Variants in KDR observed in about 807,000 individuals in gnomAD.
KDR encodes kinase insert domain receptor, also known as vascular endothelial growth factor receptor 2.
A neutral mutation model predicts 160.9 loss-of-function variants in KDR; 43 were observed. That is an observed-to-expected ratio of 0.27 (90% CI 0.21 to 0.34). The LOEUF (loss-of-function observed/expected upper bound fraction) is 0.34, where lower values mean the gene tolerates loss of function less well. Among genes scored for constraint, KDR ranks in the 10% least tolerant of loss-of-function variants. The pLI, the probability that KDR is intolerant of heterozygous loss-of-function variation, is 1.00. For synonymous variants in KDR, 617 were observed against 600.1 expected (o/e 1.03, Z -0.41); for missense variants, 1,469 against 1,666.4 (o/e 0.88, Z 2.06).
At chr4:55,122,929 G>C (rs1049969013) in intron 1 of KDR, 2 of 152,054 alleles carry the variant, frequency 1.3e-5, no homozygotes, top group Non-Finnish European at 2.9e-5. Flanking sequence ...TGCGTGGAAC[G>C]GGGGTTACAT....
At chr4:55,086,979 ATGCACAGG>A (rs1389867287) in intron 27 of KDR, among the ~76,000 whole-genome samples, 4 of 152,230 alleles carry the variant, frequency 2.6e-5, no homozygotes, top group African/African-American at 9.6e-5. Flanking sequence ...CTCTTTCCTT[ATGCACAGG>A]TGCTGGGAGA....
At position 55,087,455 on chromosome 4, in the gene KDR, G is replaced by A. The variant is rs372407587; in HGVS notation, c.3662+152C>T. ...CACACCTACCCAGGCCCTCTTCCAG[G>A]AGCATTCCCCATTATGTTAACCTCA... On this transcript the variant is annotated intron_variant, in intron 27 of 29. Transcript: ENST00000263923. 3.3e-3 allele frequency: 2,227 copies of A among 679,254 alleles called. 66 individuals carry two copies. The South Asian group carries it at 0.042, about 13-fold the overall frequency. The allele number at this position is 679,254 out of a possible 1,614,324, so 42.1% of individuals were successfully genotyped here.
rs1181085738 is a variant in KDR at position 55,110,641 on chromosome 4, T to G, written c.1091+13A>C. 1 of 1,613,146 alleles carries G rather than the reference T, an allele frequency of 6.2e-7. No individual in the cohort carries two copies. ...ACACGAAATGATGCTTTGCATTTAT[T>G]TCCAGTAGTTACCATTTTATTTCTG... On this transcript the variant is annotated intron_variant, in intron 8 of 29. Coordinates refer to ENST00000263923, the MANE Select transcript of KDR (RefSeq NM_002253.4).
chr4:55,119,006 C>A (rs977854866), intron 2 of KDR, among the ~76,000 whole-genome samples: 1 of 152,122 alleles, frequency 6.6e-6, no homozygotes, highest in Non-Finnish European at 1.5e-5. Flanking sequence ...GCCAGGAGTT[C>A]GAGACCAGGC....
intron 10 of KDR, 30 bp from the exon 11 acceptor site, chr4:55,106,840 T>C (rs1040911275): frequency 3.1e-6 from 5 of 1,587,820 alleles, no homozygotes; most frequent in Admixed American, 1.7e-5. Flanking sequence ...GCGCATATTA[T>C]GATTTAATTT....
At chr4:55,095,935 G>A (rs1720140783) in intron 19 of KDR, among the ~76,000 whole-genome samples, 1 of 152,010 alleles carries the variant, frequency 6.6e-6, no homozygotes. Context: ...TTCCATTTTG[G>A]GGGTAACTAC....
intron 9 of KDR, 120 bp downstream of exon 9, chr4:55,110,283 C>T (rs1002360794): frequency 4.7e-6 from 5 of 1,067,414 alleles, no homozygotes; most frequent in African/African-American, 1.6e-5. Context: ...GACTTTTGTA[C>T]GCAGGCCCAG....
At chr4:55,098,386 TCATGGAGTTTGAGA>T in intron 16 of KDR, 114 bp from the exon 17 acceptor site, 1 of 1,300,540 alleles carries the variant, frequency 7.7e-7, no homozygotes, top group Non-Finnish European at 1.1e-6. Context: ...CCAATAAAAC[TCATGGAGTTTGAGA>T]GTGGTCCTAT....
chr4:55,082,354 G>C (rs1159881170), intron 28 of KDR, among the ~76,000 whole-genome samples, 182 bp downstream of exon 28: 1 of 152,092 alleles, frequency 6.6e-6, no homozygotes, highest in Admixed American at 6.6e-5. Context: ...CTTGAACCTT[G>C]GACCAAGGGC....
At position 55,125,451 on chromosome 4, in the gene KDR, C is replaced by A; in HGVS notation, c.-158G>T. 1.2e-6 allele frequency: 1 copy of A among 843,098 alleles called. No individual in the cohort carries two copies. Among genetic ancestry groups the A allele is most frequent in the South Asian group, 1.6e-5 (1 of 64,474 alleles). The allele number at this position is 843,098 out of a possible 1,614,324, so 52.2% of individuals were successfully genotyped here. A position where few individuals can be genotyped will look rare whatever the true frequency, so the allele number is the denominator to read the frequency against. On this transcript the variant is annotated 5_prime_UTR_variant, in exon 1 of 30. Coordinates refer to ENST00000263923, the MANE Select transcript of KDR (RefSeq NM_002253.4). ...TAGGGAGCCCGGGCGCCGACCGCGG[C>A]TGCAGGGGCGTCTGCGGGTGCCGGT...
chr4:55,079,053 G>C lies in KDR; in HGVS notation c.*888C>G, dbSNP rs1251283932. On this transcript the variant is annotated 3_prime_UTR_variant, in exon 30 of 30. Transcript: ENST00000263923. ...ACATATCACATCAGGACAGATATGA[G>C]GGTATTCATTCCAGAAGAAACCAGA... 4.3e-6 allele frequency: 1 copy of C among 233,148 alleles called. No individual in the cohort carries two copies. Among genetic ancestry groups the C allele is most frequent in the Non-Finnish European group, 8.5e-6 (1 of 118,060 alleles). The allele number at this position is 233,148 out of a possible 1,614,324, so 14.4% of individuals were successfully genotyped here.
intron 6 of KDR, among the ~76,000 whole-genome samples, chr4:55,113,830 C>T (rs1720658930): frequency 6.6e-6 from 1 of 152,132 alleles, no homozygotes; most frequent in Non-Finnish European, 1.5e-5. Flanking sequence ...CTTTGGAGAA[C>T]AGAGAAATGA....
intron 6 of KDR, 44 bp downstream of exon 6, chr4:55,114,082 T>C: frequency 6.2e-7 from 1 of 1,611,604 alleles, no homozygotes; most frequent in African/African-American, 1.3e-5. Context: ...CTGGGGCTTA[T>C]TATCTAAGTA....
In KDR at chr4:55,079,303, C is replaced by T; in HGVS notation, c.*638G>A. On this transcript the variant is annotated 3_prime_UTR_variant, in exon 30 of 30. Transcript: ENST00000263923. ...CTCTACTTTAGCCCAACTCGAAGAA[C>T]ACGCAACCTTCTAAAACCAGAAACC... The T allele has an allele frequency of 4.2e-6, 1 of 235,790 alleles. No individual in the cohort carries two copies. Among genetic ancestry groups the T allele is most frequent in the Non-Finnish European group, 8.4e-6 (1 of 119,760 alleles). The allele number at this position is 235,790 out of a possible 1,614,324, so 14.6% of individuals were successfully genotyped here. A position where few individuals can be genotyped will look rare whatever the true frequency, so the allele number is the denominator to read the frequency against.
Position 55,101,901 on chromosome 4 carries a change from T to C in KDR, c.2262A>G (p.Ile754Met), listed in dbSNP as rs2110020458. 6.2e-7 allele frequency: 1 copy of C among 1,613,098 alleles called. No individual in the cohort carries two copies. The highest frequency in any genetic ancestry group is 8.5e-7 in the Non-Finnish European group (1 of 1,179,478). Residue 754 changes from isoleucine to methionine, a missense_variant, in exon 15 of 30, where the codon ATA becomes ATG. Physicochemically the swap from Ile to Met is conservative, Grantham distance 10 (BLOSUM62 1). Transcript: ENST00000263923. Reference protein sequence around the residue: ...GCAKVEAFFIIEGAQEKTNLE... With the variant: ...GCAKVEAFFIMEGAQEKTNLE... Reference sequence around the variant, plus strand: ...ATTTTTTTTTATCCCACTGACCTTCTATTATGAAAAATGCCTCCACTTTTG... The same window carrying C: ...ATTTTTTTTTATCCCACTGACCTTCCATTATGAAAAATGCCTCCACTTTTG...
intron 7 of KDR, among the ~76,000 whole-genome samples, chr4:55,112,843 T>G (rs1319545108): frequency 1.3e-5 from 2 of 152,192 alleles, no homozygotes; most frequent in East Asian, 3.9e-4. Context: ...ACATGGATTT[T>G]TGACTGCAGA....
chr4:55,098,915 A>G (rs1462802757), intron 15 of KDR, 112 bp from the exon 16 acceptor site: 1 of 738,250 alleles, frequency 1.4e-6, no homozygotes, highest in Non-Finnish European at 2.4e-6. Context: ...ACTTGGAAAA[A>G]TCCTAGAGGA....
Position 55,124,927 on chromosome 4 carries a change from C to A in KDR, c.67+300G>T, listed in dbSNP as rs552790770. ...CTGCCAACCCCAGGCGCCTTCCCACCCCAGCCTCCCAAGAGCCTGAGGGTG... is the reference window on the plus strand; with the variant it reads ...CTGCCAACCCCAGGCGCCTTCCCACACCAGCCTCCCAAGAGCCTGAGGGTG... On this transcript the variant is annotated intron_variant, in intron 1 of 29. Transcript: ENST00000263923. Among the ~76,000 whole-genome samples the A allele has an allele frequency of 2.0e-5, 3 of 152,300 alleles. No individual in the cohort carries two copies. The South Asian group carries it at 6.2e-4, about 32-fold the overall frequency.
At chr4:55,098,982 AATTTATTTATTTATTT>A (rs71930411) in intron 15 of KDR, among the ~76,000 whole-genome samples, 179 bp from the exon 16 acceptor site, 5,798 of 143,016 alleles carry the variant, frequency 0.041, 188 homozygotes, top group African/African-American at 0.091. Context: ...TTTTGAATTT[AATTTATTTATTTATTT>A]ATTTATTTAT....
Sources: gnomAD v4.1 joint callset for allele counts (sites outside exome capture counted in the v4.1 genomes callset) on GRCh38, gnomAD v4.1.1 for gene constraint, MANE v1.5 for transcripts, NCBI Gene and HGNC (gene_info 2026-07-23, HGNC 2026-07-21) for gene names.